RBFOX1: variants seen among roughly 807,000 people sequenced by gnomAD.
RBFOX1 encodes RNA binding fox-1 homolog 1, also known as RNA binding protein fox-1 homolog 1.
RBFOX1 carries 8 observed loss-of-function variants against 57.7 expected under a neutral mutation model. The observed-to-expected ratio is 0.14, with a 90% CI of 0.08 to 0.25. The LOEUF (loss-of-function observed/expected upper bound fraction) is 0.25, where lower values mean the gene tolerates loss of function less well. Among genes scored for constraint, RBFOX1 ranks in the 10% least tolerant of loss-of-function variants. The pLI, the probability that RBFOX1 is intolerant of heterozygous loss-of-function variation, is 1.00. For missense variants in RBFOX1, 611 were observed against 548.5 expected, an observed-to-expected ratio of 1.11 and a Z score of -1.14; for synonymous variants, 326 against 222.4, an observed-to-expected ratio of 1.47 and a Z score of -4.15.
At chr16:6,366,304 T>C (rs2089605513) in intron 2 of RBFOX1, among the ~76,000 whole-genome samples, 1 of 152,202 alleles carries the variant, frequency 6.6e-6, no homozygotes, top group Admixed American at 6.5e-5. Flanking sequence ...AAACTCACCA[T>C]ACCTTTTGGA....
intron 1 of RBFOX1, among the ~76,000 whole-genome samples, chr16:6,065,858 G>A (rs1257585269): frequency 6.6e-6 from 1 of 152,104 alleles, no homozygotes; most frequent in Non-Finnish European, 1.5e-5. Flanking sequence ...TAGTCCTTGG[G>A]GTCTGGATTT....
intron 1 of RBFOX1, among the ~76,000 whole-genome samples, chr16:6,036,360 C>T (rs1207143574): frequency 4.0e-5 from 6 of 151,274 alleles, no homozygotes; most frequent in African/African-American, 1.2e-4. Context: ...TTTTAGGTGG[C>T]ATCATAGAAC....
intron 1 of RBFOX1, among the ~76,000 whole-genome samples, chr16:6,294,067 A>G (rs1174657672): frequency 6.6e-6 from 1 of 152,228 alleles, no homozygotes; most frequent in East Asian, 1.9e-4. Flanking sequence ...CTGGAGTCCC[A>G]GCTACTCAGG....
At chr16:5,805,998 G>A (rs1481387494) in intron 3 of RBFOX1, among the ~76,000 whole-genome samples, 2 of 150,050 alleles carry the variant, frequency 1.3e-5, no homozygotes, top group African/African-American at 4.9e-5. Flanking sequence ...TCAATAAATG[G>A]TAATGAACAT....
chr16:5,552,896 C>T (rs369856504), intron 2 of RBFOX1, among the ~76,000 whole-genome samples: 8 of 152,060 alleles, frequency 5.3e-5, no homozygotes, highest in African/African-American at 1.9e-4. Flanking sequence ...ATCTCCAGGT[C>T]CTCAACAGCT....
rs2096900779 is a variant in RBFOX1, at chr16:6,546,685, T to G, written c.-63-107918T>G. Among the ~76,000 whole-genome samples the G allele has an allele frequency of 1.3e-5, 2 of 152,016 alleles. 1 individual carries two copies. The highest frequency in any genetic ancestry group is 4.1e-4 in the South Asian group (2 of 4,820). On this transcript the variant is annotated intron_variant, in intron 2 of 15. Coordinates refer to ENST00000550418, the MANE Select transcript of RBFOX1 (RefSeq NM_018723.4). ...CTTAATTTGATTCCTTTCTGTAGAT[T>G]CTTTTTGCAAACAAGGTCACATTAC...
chr16:5,603,086 C>T (rs549546062), downstream of RBFOX1, among the ~76,000 whole-genome samples: 235 of 152,322 alleles, frequency 1.5e-3, no homozygotes, highest in African/African-American at 5.5e-3. Context: ...CCTTCCTACT[C>T]ACTGCCCTGT....
chr16:7,339,560 C>T (rs951508731), intron 4 of RBFOX1, among the ~76,000 whole-genome samples: 10 of 152,174 alleles, frequency 6.6e-5, no homozygotes, highest in Non-Finnish European at 1.5e-4. Context: ...CTGCTTCAGC[C>T]TCCTGAGTAT....
At chr16:7,009,393 T>G (rs1284242550) in intron 3 of RBFOX1, among the ~76,000 whole-genome samples, 1 of 151,340 alleles carries the variant, frequency 6.6e-6, no homozygotes, top group African/African-American at 2.4e-5. Flanking sequence ...ATGAAAAAAA[T>G]GTCTCGCCAC....
chr16:6,220,417 G>C (rs1352732674), intron 1 of RBFOX1, among the ~76,000 whole-genome samples: 1 of 152,166 alleles, frequency 6.6e-6, no homozygotes, highest in East Asian at 1.9e-4. Flanking sequence ...TGGAGGGATT[G>C]AAACAAGAGA....
intron 1 of RBFOX1, among the ~76,000 whole-genome samples, chr16:6,286,870 A>G (rs1387108523): frequency 6.6e-6 from 1 of 152,222 alleles, no homozygotes; most frequent in Non-Finnish European, 1.5e-5. Flanking sequence ...ACTAGAATGC[A>G]ACATCTGTAA....
rs146584806 is a variant in RBFOX1, at chr16:7,416,918, T to C, written c.28-101229T>C. ...AGGTGTCCTTATTATCCACATTTTA[T>C]AGCAGAAAACTGGGGCTTAGAGAAG... On this transcript the variant is annotated intron_variant, in intron 4 of 15. Transcript: ENST00000550418. Among the ~76,000 whole-genome samples, 340 of 152,316 alleles carry C rather than the reference T, an allele frequency of 2.2e-3. 1 individual carries two copies. The highest frequency in any genetic ancestry group is 4.1e-3 in the Non-Finnish European group (279 of 68,018).
At chr16:5,391,450 C>G (rs1205828862) in intron 1 of RBFOX1, among the ~76,000 whole-genome samples, 1 of 152,178 alleles carries the variant, frequency 6.6e-6, no homozygotes, top group Non-Finnish European at 1.5e-5. Context: ...CCTTCTCACA[C>G]TCCACATGTA....
At chr16:6,853,200 T>G (rs2094162833) in intron 3 of RBFOX1, among the ~76,000 whole-genome samples, 1 of 152,198 alleles carries the variant, frequency 6.6e-6, no homozygotes, top group Non-Finnish European at 1.5e-5. Context: ...TACTGGTGTT[T>G]ACCCTTAGGG....
chr16:5,731,619 C>G (rs1005556155), intron 3 of RBFOX1, among the ~76,000 whole-genome samples: 2 of 152,126 alleles, frequency 1.3e-5, no homozygotes, highest in African/African-American at 2.4e-5. Flanking sequence ...ACTATGTAAT[C>G]TCTCTTAGAG....
At chr16:6,984,980 A>G (rs1343987115) in intron 3 of RBFOX1, among the ~76,000 whole-genome samples, 1 of 151,992 alleles carries the variant, frequency 6.6e-6, no homozygotes, top group Non-Finnish European at 1.5e-5. Context: ...AAAGTGAAAA[A>G]TCAGGAGGGA....
At chr16:5,421,372 C>A (rs961741991) in intron 1 of RBFOX1, among the ~76,000 whole-genome samples, 1 of 152,212 alleles carries the variant, frequency 6.6e-6, no homozygotes, top group Non-Finnish European at 1.5e-5. Flanking sequence ...AGTCTGGCTT[C>A]TTTCTCCTCT....
chr16:6,211,185 C>A (rs35689941), intron 1 of RBFOX1, among the ~76,000 whole-genome samples: 45,475 of 122,918 alleles, frequency 0.37, 9,759 homozygotes, highest in African/African-American at 0.6. Context: ...GTGTTTTCTT[C>A]TTCTTTTTTT....
At chr16:5,302,244 A>G (rs1235888639) in intron 1 of RBFOX1, among the ~76,000 whole-genome samples, 1 of 152,192 alleles carries the variant, frequency 6.6e-6, no homozygotes, top group Non-Finnish European at 1.5e-5. Flanking sequence ...GTAATTTTCT[A>G]GATAACTTAT....
Sources: gnomAD v4.1 joint callset for allele counts (sites outside exome capture counted in the v4.1 genomes callset) on GRCh38, gnomAD v4.1.1 for gene constraint, MANE v1.5 for transcripts, NCBI Gene and HGNC (gene_info 2026-07-23, HGNC 2026-07-21) for gene names.